Variants in VPS13C observed in about 807,000 individuals in gnomAD.
VPS13C encodes intermembrane lipid transfer protein VPS13C.
In VPS13C, 358 loss-of-function variants were observed where a neutral mutation model predicts 456.8. The observed-to-expected ratio is 0.78, with a 90% CI of 0.72 to 0.86. The LOEUF (loss-of-function observed/expected upper bound fraction) is 0.86. Among genes scored for constraint, VPS13C ranks in the 40% least tolerant of loss-of-function variants. VPS13C has a pLI of 0.00. For missense variants in VPS13C, 4,818 were observed against 4,385.4 expected (o/e 1.10, Z -2.79); for synonymous variants, 1,578 against 1,486.7 (o/e 1.06, Z -1.41).
intron 9 of VPS13C, among the ~76,000 whole-genome samples, chr15:62,018,301 T>G (rs150012613): frequency 0.087 from 13,204 of 152,018 alleles, 1,230 homozygotes; most frequent in African/African-American, 0.24. Flanking sequence ...TTGACTGCCC[T>G]GGCCAGAACT....
intron 61 of VPS13C, 144 bp from the exon 62 acceptor site, chr15:61,913,559 T>A: frequency 1.6e-6 from 1 of 619,838 alleles, no homozygotes; most frequent in Non-Finnish European, 2.7e-6. Context: ...TGCAAACAGG[T>A]AACAGAACCA....
intron 67 of VPS13C, among the ~76,000 whole-genome samples, chr15:61,888,367 CAT>C (rs1747709522): frequency 6.6e-6 from 1 of 152,156 alleles, no homozygotes; most frequent in Admixed American, 6.5e-5. Context: ...GCAGAGGAAA[CAT>C]ATGTCTACAC....
intron 1 of VPS13C, among the ~76,000 whole-genome samples, chr15:62,054,473 A>G (rs1339403515): frequency 6.6e-6 from 1 of 152,222 alleles, no homozygotes; most frequent in Non-Finnish European, 1.5e-5. Flanking sequence ...GATACCTCTA[A>G]GAAAACCAAA....
At chr15:61,885,807 G>C (rs753617062) in intron 67 of VPS13C, among the ~76,000 whole-genome samples, 10 of 151,872 alleles carry the variant, frequency 6.6e-5, no homozygotes, top group Non-Finnish European at 1.2e-4. Context: ...TATTTCTTTC[G>C]CTGGTTTGAA....
At chr15:62,001,322 A>G (rs2046605431) in intron 15 of VPS13C, among the ~76,000 whole-genome samples, 1 of 152,218 alleles carries the variant, frequency 6.6e-6, no homozygotes, top group South Asian at 2.1e-4. Context: ...TGACGCCAAT[A>G]ACTACGCTTT....
chr15:62,030,027 C>T (rs963742550), intron 5 of VPS13C, among the ~76,000 whole-genome samples: 12 of 151,984 alleles, frequency 7.9e-5, no homozygotes, highest in African/African-American at 2.4e-4. Context: ...TAAGATGACA[C>T]CTGTGCAGCT....
chr15:61,986,128 T>TAC (rs371577636), intron 18 of VPS13C, among the ~76,000 whole-genome samples: 1,518 of 143,554 alleles, frequency 0.011, 23 homozygotes, highest in African/African-American at 0.034. Flanking sequence ...CACACACCGG[T>TAC]ACACACACAC....
At chr15:62,010,640 T>C in intron 12 of VPS13C, 41 bp from the exon 13 acceptor site, 1 of 1,525,418 alleles carries the variant, frequency 6.6e-7, no homozygotes, top group African/African-American at 1.4e-5. Flanking sequence ...TTCATATGCT[T>C]TTACATATAA....
chr15:61,967,229 T>C (rs1046901861), intron 29 of VPS13C, 139 bp downstream of exon 29: 7 of 702,324 alleles, frequency 1.0e-5, no homozygotes, highest in Admixed American at 6.4e-5. Context: ...GGTGTACAAA[T>C]GAAAAAAGAA....
rs921587209 is a variant in VPS13C, at chr15:62,012,108, G to A, written c.882C>T (p.Tyr294=). The change falls in exon 12 of 85, where the codon TAC becomes TAT. Residue 294 remains tyrosine (Y), a splice_region_variant and synonymous_variant. Transcript: ENST00000644861. ...TSGNIPPNYQ[Y]IFQPISASAK... ...AAATAAACTTTTACTATTACTTACT[G>A]TATTGATAATTTGGGGGTATATTTC... The A allele has an allele frequency of 1.3e-6, 2 of 1,495,412 alleles. No individual in the cohort carries two copies. Among genetic ancestry groups the A allele is most frequent in the Non-Finnish European group, 9.3e-7 (1 of 1,077,292 alleles). The allele number at this position is 1,495,412 out of a possible 1,614,324, so 92.6% of individuals were successfully genotyped here.
In VPS13C at chr15:61,982,576, A is replaced by G. The variant is rs556878613; in HGVS notation, c.1915-3T>C. The stretch of plus-strand genomic sequence containing the variant: ...TCAACCACTGCATTGACAGTTTTCT[A>G]TAAGAAAATTTTTTTAACATAACCA... On this transcript the variant is annotated splice_polypyrimidine_tract_variant and splice_region_variant and intron_variant, in intron 20 of 84. Coordinates refer to ENST00000644861, the MANE Select transcript of VPS13C (RefSeq NM_020821.3). The G allele has an allele frequency of 1.5e-5, 24 of 1,593,576 alleles. No homozygotes were observed. In the East Asian group the frequency reaches 4.0e-4, roughly 27 times the overall value.
At chr15:61,945,234 C>G (rs1232562706) in intron 45 of VPS13C, among the ~76,000 whole-genome samples, 2 of 152,154 alleles carry the variant, frequency 1.3e-5, no homozygotes, top group Non-Finnish European at 2.9e-5. Context: ...TCAGGCAGTT[C>G]TTTATAGCAG....
At chr15:62,052,405 G>C (rs1385156098) in intron 1 of VPS13C, among the ~76,000 whole-genome samples, 4 of 152,032 alleles carry the variant, frequency 2.6e-5, no homozygotes, top group African/African-American at 7.3e-5. Context: ...GCCTGGTGCG[G>C]TGACTCACGC....
At chr15:61,964,236 T>A (rs2045310024) in intron 31 of VPS13C, among the ~76,000 whole-genome samples, 2 of 152,100 alleles carry the variant, frequency 1.3e-5, no homozygotes. Context: ...TAAGGTTACA[T>A]GGTTGAAGTA....
chr15:62,024,660 C>T (rs1250316436), intron 6 of VPS13C, among the ~76,000 whole-genome samples: 2 of 152,036 alleles, frequency 1.3e-5, no homozygotes, highest in African/African-American at 4.8e-5. Flanking sequence ...TAATCTCTTG[C>T]TCAAAATTAT....
At chr15:62,022,242 T>C (rs1336621903) in intron 8 of VPS13C, among the ~76,000 whole-genome samples, 1 of 151,860 alleles carries the variant, frequency 6.6e-6, no homozygotes. Context: ...TACTAGGTTT[T>C]TTCCTATATA....
At chr15:61,913,928 T>C (rs1365448589) in intron 61 of VPS13C, among the ~76,000 whole-genome samples, 1 of 152,140 alleles carries the variant, frequency 6.6e-6, no homozygotes, top group African/African-American at 2.4e-5. Flanking sequence ...CGAAAAATTA[T>C]GATACAAGAC....
chr15:61,886,170 C>CTA (rs1896255103), intron 67 of VPS13C, among the ~76,000 whole-genome samples: 1 of 152,164 alleles, frequency 6.6e-6, no homozygotes, highest in Non-Finnish European at 1.5e-5. Context: ...ACAAGTAAGT[C>CTA]ACTCAGAAAC....
intron 82 of VPS13C, among the ~76,000 whole-genome samples, chr15:61,860,146 A>C (rs532466387): frequency 2.6e-5 from 4 of 152,308 alleles, no homozygotes; most frequent in Non-Finnish European, 5.9e-5. Context: ...TAAGAAAAAG[A>C]CTAACATACC....
Sources: allele counts gnomAD v4.1 joint callset (sites outside exome capture counted in the v4.1 genomes callset), GRCh38; gene constraint gnomAD v4.1.1; transcripts MANE v1.5; gene names NCBI Gene and HGNC (gene_info 2026-07-23, HGNC 2026-07-21).